Variants in SNX9 observed in about 807,000 individuals in gnomAD.
The protein encoded by SNX9 is sorting nexin-9.
Under a neutral mutation model 89.4 loss-of-function variants are expected in SNX9, and 44 were observed. The observed-to-expected ratio is 0.49, with a 90% CI of 0.39 to 0.63. The LOEUF is 0.63. SNX9 is among the 30% of genes least tolerant of loss of function. SNX9 has a pLI of 0.00. For synonymous variants in SNX9, 236 were observed against 247.8 expected, an observed-to-expected ratio of 0.95 and a Z score of 0.45; for missense variants, 578 against 736.1, an observed-to-expected ratio of 0.79 and a Z score of 2.49.
At chr6:157,870,353 C>T in intron 2 of SNX9, among the ~76,000 whole-genome samples, 1 of 151,922 alleles carries the variant, frequency 6.6e-6, no homozygotes, top group East Asian at 1.9e-4. Context: ...CACTCATGCT[C>T]TCACACATGC....
chr6:157,940,995 C>T, intron 17 of SNX9, 21 bp downstream of exon 17: 6 of 1,604,254 alleles, frequency 3.7e-6, no homozygotes, highest in Non-Finnish European at 5.1e-6. Flanking sequence ...GTCCACGTGC[C>T]TTTCGCATGT....
At chr6:157,851,945 C>T (rs1471360589) in intron 1 of SNX9, among the ~76,000 whole-genome samples, 1 of 152,164 alleles carries the variant, frequency 6.6e-6, no homozygotes, top group Non-Finnish European at 1.5e-5. Flanking sequence ...CAAGGTTCGT[C>T]TGTAATGTAG....
chr6:157,832,770 T>G (rs1781501138), intron 1 of SNX9, among the ~76,000 whole-genome samples: 1 of 152,098 alleles, frequency 6.6e-6, no homozygotes, highest in Non-Finnish European at 1.5e-5. Context: ...CATGATTCAA[T>G]TACCCCCACC....
At chr6:157,894,862 G>A (rs1187552693) in intron 4 of SNX9, among the ~76,000 whole-genome samples, 2 of 152,148 alleles carry the variant, frequency 1.3e-5, no homozygotes, top group Non-Finnish European at 2.9e-5. Flanking sequence ...CTTTTGGATT[G>A]CAGTTTTCAT....
At chr6:157,858,268 T>TG (rs1782052575) in intron 1 of SNX9, among the ~76,000 whole-genome samples, 1 of 150,352 alleles carries the variant, frequency 6.7e-6, no homozygotes, top group Non-Finnish European at 1.5e-5. Flanking sequence ...TTTTTTGAGA[T>TG]GGAGTTTTGC....
At chr6:157,829,647 G>A (rs542915498) in intron 1 of SNX9, among the ~76,000 whole-genome samples, 94 of 152,214 alleles carry the variant, frequency 6.2e-4, no homozygotes, top group African/African-American at 2.0e-3. Context: ...TTTACAATTA[G>A]TATTATTTTC....
intron 1 of SNX9, among the ~76,000 whole-genome samples, chr6:157,824,242 T>G (rs1781298928): frequency 6.6e-6 from 1 of 152,170 alleles, no homozygotes; most frequent in Admixed American, 6.5e-5. Flanking sequence ...GCTACCTGAA[T>G]TTTCAAAAGC....
chr6:157,941,236 G>T (rs1462268828), intron 17 of SNX9, among the ~76,000 whole-genome samples: 1 of 152,090 alleles, frequency 6.6e-6, no homozygotes, highest in African/African-American at 2.4e-5. Flanking sequence ...TCCTTATTGT[G>T]CAGCTCCTTC....
chr6:157,902,362 GAATAAT>G (rs1238059113), intron 6 of SNX9, among the ~76,000 whole-genome samples: 1 of 152,150 alleles, frequency 6.6e-6, no homozygotes, highest in Admixed American at 6.5e-5. Context: ...AAGCTAAAAA[GAATAAT>G]AATAACAACT....
intron 9 of SNX9, among the ~76,000 whole-genome samples, chr6:157,913,436 T>C (rs1395648148): frequency 7.5e-6 from 1 of 133,688 alleles, no homozygotes; most frequent in Non-Finnish European, 1.7e-5. Context: ...GTAGCTGGGA[T>C]TATAGGTGCA....
chr6:157,938,783 A>G (rs6922592), intron 16 of SNX9, 36 bp downstream of exon 16: 78 of 1,461,194 alleles, frequency 5.3e-5, no homozygotes, highest in Non-Finnish European at 6.3e-5. Context: ...TGCTGGTGGA[A>G]GTTTTTTTTT....
intron 4 of SNX9, chr6:157,885,519 T>C (rs1782716771): frequency 1.3e-5 from 2 of 152,236 alleles, no homozygotes; most frequent in Admixed American, 1.3e-4. Flanking sequence ...TAAATTTTTG[T>C]CAGAAATTCT....
At chr6:157,874,289 C>T (rs1782476626) in intron 3 of SNX9, 1 of 152,292 alleles carries the variant, frequency 6.6e-6, no homozygotes. Context: ...TATTCACAGG[C>T]CCCTGGCCTC....
At chr6:157,857,664 TC>T (rs1248355057) in intron 1 of SNX9, among the ~76,000 whole-genome samples, 17 of 149,996 alleles carry the variant, frequency 1.1e-4, no homozygotes, top group Non-Finnish European at 2.2e-4. Context: ...TTTTTTTTTT[TC>T]CATGAAAAAG....
intron 6 of SNX9, among the ~76,000 whole-genome samples, chr6:157,903,016 A>G (rs1783138733): frequency 6.6e-6 from 1 of 152,178 alleles, no homozygotes. Flanking sequence ...ACTTAACAGG[A>G]AAGCATGTGG....
chr6:157,840,192 G>A (rs1781669044), intron 1 of SNX9, among the ~76,000 whole-genome samples: 1 of 123,636 alleles, frequency 8.1e-6, no homozygotes, highest in South Asian at 2.7e-4. Flanking sequence ...CAGACCCTCA[G>A]GCTGGTGCTT....
chr6:157,877,270 G>GA (rs940442591), intron 4 of SNX9, among the ~76,000 whole-genome samples: 2 of 133,838 alleles, frequency 1.5e-5, no homozygotes, highest in African/African-American at 2.7e-5. Context: ...GGTAATAAAA[G>GA]AAAAAAAAAG....
rs745551633 is a variant in SNX9 at position 157,928,680 on chromosome 6, G to A, written c.1266G>A (p.Glu422=). ...GVKELLTVGQ[E]HWKRCTGPLP... The stretch of plus-strand genomic sequence containing the variant: ...AGGAGCTGCTGACGGTGGGGCAGGA[G>A]CACTGGAAGCGCTGCACGGGCCGTA... The change falls in exon 12 of 18, where the codon GAG becomes GAA. Residue 422 remains glutamate (E), a synonymous_variant. Transcript: ENST00000392185. 1.6e-5 allele frequency: 25 copies of A among 1,607,446 alleles called. 1 individual carries two copies. The highest frequency in any genetic ancestry group is 2.0e-5 in the Non-Finnish European group (24 of 1,177,214).
At chr6:157,890,362 A>G (rs1368740858) in intron 4 of SNX9, among the ~76,000 whole-genome samples, 1 of 152,224 alleles carries the variant, frequency 6.6e-6, no homozygotes, top group East Asian at 1.9e-4. Context: ...CTAATGCTGT[A>G]AATCCTTTGA....
Sources: gnomAD v4.1 joint callset for allele counts (sites outside exome capture counted in the v4.1 genomes callset) on GRCh38, gnomAD v4.1.1 for gene constraint, MANE v1.5 for transcripts, NCBI Gene and HGNC (gene_info 2026-07-23, HGNC 2026-07-21) for gene names.